LIG1: variants seen among roughly 807,000 people sequenced by gnomAD.
LIG1 encodes the protein DNA ligase 1, also known as ligase I, DNA, ATP-dependent.
In LIG1, 70 loss-of-function variants were observed where a neutral mutation model predicts 115.7. The ratio of observed to expected loss-of-function variants is 0.60; its 90% CI spans 0.50 to 0.74. The LOEUF is 0.74. Ranked by LOEUF, LIG1 falls within the 30% of genes least tolerant of loss-of-function variation. The pLI, the probability that LIG1 is intolerant of heterozygous loss-of-function variation, is 0.00. For synonymous variants in LIG1, 487 were observed against 495.3 expected (o/e 0.98, Z 0.22); for missense variants, 1,115 against 1,225.6 (o/e 0.91, Z 1.35).
At chr19:48,133,885 A>C (rs2034203565) in intron 17 of LIG1, 96 bp downstream of exon 17, 2 of 984,166 alleles carry the variant, frequency 2.0e-6, no homozygotes, top group South Asian at 2.8e-5. Flanking sequence ...AGGACTCTGC[A>C]AGTTCTGAGA....
Position 48,143,918 on chromosome 19 carries a change from A to G in LIG1, c.822T>C (p.His274=). ...GTTTCCAGCAGGCATCTTCCACGGGATGATAGTTGTTCTTGGCAGGATTGT... is the reference window on the plus strand; with the variant it reads ...GTTTCCAGCAGGCATCTTCCACGGGGTGATAGTTGTTCTTGGCAGGATTGT... ...SGYNPAKNNY[H]PVEDACWKPG... Residue 274 remains histidine, a synonymous_variant, in exon 10 of 28, where the codon CAT becomes CAC. Coordinates refer to ENST00000263274, the MANE Select transcript of LIG1 (RefSeq NM_000234.3). 1 of 1,614,054 alleles carries G rather than the reference A, an allele frequency of 6.2e-7. No individual in the cohort carries two copies. The highest frequency in any genetic ancestry group is 1.1e-5 in the South Asian group (1 of 91,078).
Position 48,133,064 on chromosome 19 carries a change from G to C in LIG1, c.1643C>G (p.Thr548Ser). 1 of 1,614,132 alleles carries C rather than the reference G, an allele frequency of 6.2e-7. No individual in the cohort carries two copies. Among genetic ancestry groups the C allele is most frequent in the Non-Finnish European group, 8.5e-7 (1 of 1,179,966 alleles). ...TTTCAGGACCTCGCTGATGCCCCGG[G>C]TGGGATGGGCCAACATTGGTTTCAG... The part of the protein sequence containing the change: ...IPLKPMLAHP[T>S]RGISEVLKRF... Residue 548 changes from threonine to serine, a missense_variant, in exon 18 of 28, where the codon ACC becomes AGC. Coordinates refer to ENST00000263274, the MANE Select transcript of LIG1 (RefSeq NM_000234.3).
chr19:48,132,790 C>CAAAAAAAAAAAAAAAA (rs71181649), intron 18 of LIG1, among the ~76,000 whole-genome samples, 192 bp downstream of exon 18: 9 of 48,260 alleles, frequency 1.9e-4, no homozygotes, highest in African/African-American at 6.6e-4. Context: ...GACTCTGTCT[C>CAAAAAAAAAAAAAAAA]AAAAAAAAAA....
chr19:48,142,565 G>A (rs1043603942), intron 11 of LIG1, among the ~76,000 whole-genome samples: 8 of 152,030 alleles, frequency 5.3e-5, no homozygotes, highest in East Asian at 1.9e-4. Flanking sequence ...CAACAGGCTC[G>A]AACCACTCAA....
At chr19:48,126,579 C>G (rs2033681999) in intron 21 of LIG1, among the ~76,000 whole-genome samples, 1 of 149,364 alleles carries the variant, frequency 6.7e-6, no homozygotes, top group South Asian at 2.1e-4. Flanking sequence ...GCACTCCAGC[C>G]TGGGTGACTG....
intron 18 of LIG1, among the ~76,000 whole-genome samples, chr19:48,132,469 C>T (rs2122551769): frequency 6.6e-6 from 1 of 152,104 alleles, no homozygotes; most frequent in African/African-American, 2.4e-5. Flanking sequence ...AGGATTGTAG[C>T]TTCGGATAAG....
intron 4 of LIG1, among the ~76,000 whole-genome samples, chr19:48,158,484 T>G (rs925075916): frequency 6.6e-6 from 1 of 152,250 alleles, no homozygotes; most frequent in Admixed American, 6.5e-5. Context: ...TTTCAACCAC[T>G]CACTTATCTT....
intron 1 of LIG1, among the ~76,000 whole-genome samples, chr19:48,166,486 G>A (rs2036488577): frequency 6.6e-6 from 1 of 152,154 alleles, no homozygotes; most frequent in African/African-American, 2.4e-5. Context: ...AACTGGTAAT[G>A]CTGTCGCCTC....
intron 4 of LIG1, among the ~76,000 whole-genome samples, chr19:48,157,748 C>T (rs1423084967): frequency 3.3e-5 from 5 of 152,166 alleles, no homozygotes; most frequent in South Asian, 2.1e-4. Context: ...GGCTTCACCA[C>T]GTTGGCCAGG....
chr19:48,121,403 G>T, intron 23 of LIG1, 81 bp from the exon 24 acceptor site: 3 of 1,292,676 alleles, frequency 2.3e-6, no homozygotes, highest in South Asian at 1.5e-5. Context: ...CTCCTCAGTG[G>T]ACTGAGGAGG....
At chr19:48,134,838 G>A (rs1196928814) in intron 16 of LIG1, among the ~76,000 whole-genome samples, 1 of 152,228 alleles carries the variant, frequency 6.6e-6, no homozygotes, top group African/African-American at 2.4e-5. Context: ...GGGGGCCCTG[G>A]CCCAGAGCAG....
intron 20 of LIG1, 170 bp from the exon 21 acceptor site, chr19:48,127,518 C>T (rs3729517): frequency 0.12 from 79,765 of 652,936 alleles, 5,546 homozygotes; most frequent in African/African-American, 0.26. Flanking sequence ...TAACGGCTCT[C>T]AGCTAATTCC....
chr19:48,127,081 C>T, intron 21 of LIG1, 196 bp downstream of exon 21: 1 of 600,700 alleles, frequency 1.7e-6, no homozygotes, highest in South Asian at 1.9e-5. Flanking sequence ...AAGAGAGGGA[C>T]CTTGAAGATG....
chr19:48,164,412 G>A (rs373529214), intron 2 of LIG1, among the ~76,000 whole-genome samples: 4 of 152,092 alleles, frequency 2.6e-5, no homozygotes, highest in Middle Eastern at 3.2e-3. Context: ...CAGCCCCTCC[G>A]TTTTCCTCTT....
chr19:48,161,202 C>G (rs2036156410), intron 4 of LIG1, 170 bp downstream of exon 4: 1 of 925,196 alleles, frequency 1.1e-6, no homozygotes, highest in African/African-American at 1.6e-5. Context: ...GGTCCTAGGG[C>G]AGGGGCAATT....
At chr19:48,128,738 T>C (rs913014475) in intron 19 of LIG1, among the ~76,000 whole-genome samples, 1 of 152,204 alleles carries the variant, frequency 6.6e-6, no homozygotes, top group Non-Finnish European at 1.5e-5. Flanking sequence ...TGGAGCCAGG[T>C]AGCTTCCCTG....
At chr19:48,155,390 C>T (rs1341337462) in intron 5 of LIG1, among the ~76,000 whole-genome samples, 1 of 152,198 alleles carries the variant, frequency 6.6e-6, no homozygotes, top group Non-Finnish European at 1.5e-5. Context: ...AGGCCCCAAA[C>T]ATCCCATGCT....
At chr19:48,165,851 A>C in intron 1 of LIG1, 1 of 548,920 alleles carries the variant, frequency 1.8e-6, no homozygotes. Flanking sequence ...CCTTTACCAT[A>C]AGAAGACTGT....
intron 25 of LIG1, chr19:48,118,534 CTTTTTTTTTTTTT>C (rs143277427): frequency 2.1e-5 from 2 of 97,350 alleles, no homozygotes; most frequent in Non-Finnish European, 3.8e-5. Flanking sequence ...ATAAATGATC[CTTTTTTTTTTTTT>C]TTTTTTTTTG....
Sources: allele counts gnomAD v4.1 joint callset (sites outside exome capture counted in the v4.1 genomes callset), GRCh38; gene constraint gnomAD v4.1.1; transcripts MANE v1.5; gene names NCBI Gene and HGNC (gene_info 2026-07-23, HGNC 2026-07-21).